STYXL2: variants seen among roughly 807,000 people sequenced by gnomAD.
STYXL2 encodes the protein serine/threonine/tyrosine-interacting-like protein 2.
STYXL2 carries 44 observed loss-of-function variants against 52.4 expected under a neutral mutation model. The ratio of observed to expected loss-of-function variants is 0.84; its 90% CI spans 0.66 to 1.08. The LOEUF (loss-of-function observed/expected upper bound fraction) is 1.08. Ranked by LOEUF, STYXL2 falls within the 50% of genes least tolerant of loss-of-function variation. The probability of loss-of-function intolerance (pLI) is 0.00; values close to 1 mark genes in which losing one functional copy is unlikely to be tolerated. For missense variants in STYXL2, 1,604 were observed against 1,471.7 expected, an observed-to-expected ratio of 1.09 and a Z score of -1.47; for synonymous variants, 604 against 586.9, an observed-to-expected ratio of 1.03 and a Z score of -0.42.
At position 167,127,307 on chromosome 1, in the gene STYXL2, T is replaced by C; in HGVS notation, c.2176T>C (p.Trp726Arg). 1.9e-6 allele frequency: 3 copies of C among 1,614,182 alleles called. No homozygotes were observed. Among genetic ancestry groups the C allele is most frequent in the Non-Finnish European group, 2.5e-6 (3 of 1,180,032 alleles). ...DTISIASIQNWIANVVSETLA... is the reference protein window; with the variant it reads ...DTISIASIQNRIANVVSETLA... ...CATTTCCATTGCCAGTATCCAGAAC[T>C]GGATTGCCAATGTAGTCAGTGAGAC... is the stretch of plus-strand genomic sequence containing the variant. The change falls in exon 6 of 6, where the codon TGG (tryptophan) becomes CGG (arginine). Residue 726 changes from tryptophan to arginine, a missense_variant. Transcript: ENST00000361200.
chr1:167,094,864 G>A lies in STYXL2; in HGVS notation c.15G>A (p.Lys5=). The change falls in exon 2 of 6, where the codon AAG becomes AAA. Residue 5 remains lysine (K), a synonymous_variant. Transcript: ENST00000361200. ...GGCAGGTTGTCATGGCGACCAGAAAGGACACAGAGGAGGAGCAGGTAGTCC... is the reference window on the plus strand; with the variant it reads ...GGCAGGTTGTCATGGCGACCAGAAAAGACACAGAGGAGGAGCAGGTAGTCC... The part of the protein sequence containing the change: MATR[K]DTEEEQVVPS... The A allele has an allele frequency of 6.2e-7, 1 of 1,613,326 alleles. No individual in the cohort carries two copies. The highest frequency in any genetic ancestry group is 1.1e-5 in the South Asian group (1 of 90,784).
chr1:167,114,880 TGCTCCCA>T (rs1206884200), intron 3 of STYXL2, among the ~76,000 whole-genome samples: 1 of 152,180 alleles, frequency 6.6e-6, no homozygotes, highest in African/African-American at 2.4e-5. Context: ...CTCTCTGAAT[TGCTCCCA>T]GCACCACTAT....
In STYXL2 at chr1:167,126,223, G is replaced by C; in HGVS notation, c.1092G>C (p.Lys364Asn). ...AGGGGCAGGGCCTCCTCTCAGACAA[G>C]GTCCCCCAGGATGGAGGTGGCTGGC... ...WKKGQGLLSD[K>N]VPQDGGGWRS... The change falls in exon 6 of 6, where the codon AAG becomes AAC. Residue 364 changes from lysine to asparagine, a missense_variant. Transcript: ENST00000361200. 6.5e-7 allele frequency: 1 copy of C among 1,543,112 alleles called. No homozygotes were observed. The highest frequency in any genetic ancestry group is 8.7e-7 in the Non-Finnish European group (1 of 1,150,614).
In STYXL2 at chr1:167,126,765, A is replaced by G. The variant is rs138150677; in HGVS notation, c.1634A>G (p.Glu545Gly). The change falls in exon 6 of 6, where the codon GAA becomes GGA. Residue 545 changes from glutamate (E) to glycine (G), a missense_variant. Glu to Gly is a moderately conservative substitution (Grantham distance 98). Coordinates refer to ENST00000361200, the MANE Select transcript of STYXL2 (RefSeq NM_001080426.3). ...SRNKDKLTAL[E>G]RWKIKRIQFG... ...AACAAGGACAAGCTCACTGCCCTGGAAAGATGGAAGATCAAGAGAATCCAA... is the reference window on the plus strand; with the variant it reads ...AACAAGGACAAGCTCACTGCCCTGGGAAGATGGAAGATCAAGAGAATCCAA... 4 of 1,614,090 alleles carry G rather than the reference A, an allele frequency of 2.5e-6. No individual in the cohort carries two copies. In the African/African-American group the frequency reaches 5.3e-5, roughly 22 times the overall value.
At chr1:167,114,189 A>C (rs1449848806) in intron 3 of STYXL2, among the ~76,000 whole-genome samples, 1 of 152,152 alleles carries the variant, frequency 6.6e-6, no homozygotes, top group African/African-American at 2.4e-5. Flanking sequence ...CACTTCCACC[A>C]GTGCTTAAAG....
In STYXL2 at chr1:167,126,235, T is replaced by C. The variant is rs767024238; in HGVS notation, c.1104T>C (p.Asp368=). 1 of 1,544,086 alleles carries C rather than the reference T, an allele frequency of 6.5e-7. No homozygotes were observed. Among genetic ancestry groups the C allele is most frequent in the Admixed American group, 2.1e-5 (1 of 47,248 alleles). ...QGLLSDKVPQ[D]GGGWRSASSG... ...TCCTCTCAGACAAGGTCCCCCAGGA[T>C]GGAGGTGGCTGGCGCTCAGCCTCCT... The change falls in exon 6 of 6, where the codon GAT becomes GAC. Residue 368 remains aspartate (D), a synonymous_variant. Coordinates refer to ENST00000361200, the MANE Select transcript of STYXL2 (RefSeq NM_001080426.3).
In STYXL2 at chr1:167,094,851, TG is replaced by T; in HGVS notation, c.4del (p.Ala2?). On this transcript the variant is annotated frameshift_variant and start_lost, in exon 2 of 6. Coordinates refer to ENST00000361200, the MANE Select transcript of STYXL2 (RefSeq NM_001080426.3). LOFTEE classifies it high-confidence loss of function. ...ACTTTCAGAGGTTGGCAGGTTGTCA[TG>T]GCGACCAGAAAGGACACAGAGGAGG... [M>X]ATRKDTEEEQ... is the part of the protein sequence containing the mutation. 1 of 1,612,750 alleles carries T rather than the reference TG, an allele frequency of 6.2e-7. No homozygotes were observed. The highest frequency in any genetic ancestry group is 8.5e-7 in the Non-Finnish European group (1 of 1,179,532).
intron 2 of STYXL2, among the ~76,000 whole-genome samples, chr1:167,109,715 C>G (rs560486643): frequency 6.6e-6 from 1 of 152,266 alleles, no homozygotes; most frequent in African/African-American, 2.4e-5. Context: ...CCTATACTAC[C>G]GCAGCTGATG....
intron 2 of STYXL2, among the ~76,000 whole-genome samples, chr1:167,111,505 TATATATATACAC>T (rs1204069083): frequency 2.2e-4 from 11 of 49,522 alleles, no homozygotes; most frequent in African/African-American, 9.4e-4. Flanking sequence ...TATATATATA[TATATATATACAC>T]ACACACACAC....
chr1:167,118,082 T>C (rs569600783), intron 4 of STYXL2, among the ~76,000 whole-genome samples: 9 of 152,358 alleles, frequency 5.9e-5, no homozygotes, highest in Admixed American at 3.9e-4. Flanking sequence ...TGTGAGAAAA[T>C]GTGAACAATG....
At chr1:167,113,119 CT>C (rs372002882) in intron 2 of STYXL2, among the ~76,000 whole-genome samples, 3 of 142,066 alleles carry the variant, frequency 2.1e-5, no homozygotes, top group Admixed American at 7.0e-5. Context: ...CATCCCTGGG[CT>C]CAACCTGACT....
At chr1:167,119,492 T>A in intron 5 of STYXL2, 26 bp downstream of exon 5, 1 of 1,603,110 alleles carries the variant, frequency 6.2e-7, no homozygotes, top group Non-Finnish European at 8.5e-7. Flanking sequence ...CGCTCCAGGC[T>A]GCTGGAATTC....
chr1:167,096,183 G>A (rs190814636), intron 2 of STYXL2, among the ~76,000 whole-genome samples: 28 of 152,146 alleles, frequency 1.8e-4, no homozygotes, highest in African/African-American at 5.5e-4. Flanking sequence ...ACTTGAACCC[G>A]GGAGGCGGAG....
intron 2 of STYXL2, among the ~76,000 whole-genome samples, chr1:167,111,499 TATATATATATATATACAC>T (rs1314094993): frequency 8.3e-5 from 4 of 48,124 alleles, no homozygotes; most frequent in African/African-American, 3.3e-4. Context: ...TATATATATA[TATATATATATATATACAC>T]ACACACACAC....
At position 167,127,235 on chromosome 1, in the gene STYXL2, A is replaced by G. The variant is rs777705433; in HGVS notation, c.2104A>G (p.Asn702Asp). ...CAACATAGCGGGGTGTTCAACCTCC[A>G]ACCCCACCACACCCCTGCCTAACCT... ...ASNIAGCSTS[N>D]PTTPLPNLPV... Residue 702 changes from asparagine to aspartate, a missense_variant, in exon 6 of 6, where the codon AAC (asparagine) becomes GAC (aspartate). Coordinates refer to ENST00000361200, the MANE Select transcript of STYXL2 (RefSeq NM_001080426.3). 6.2e-7 allele frequency: 1 copy of G among 1,614,134 alleles called. No individual in the cohort carries two copies. The highest frequency in any genetic ancestry group is 8.5e-7 in the Non-Finnish European group (1 of 1,179,996).
At chr1:167,094,468 T>C (rs1667238333) in intron 1 of STYXL2, 1 of 274,618 alleles carries the variant, frequency 3.6e-6, no homozygotes, top group Non-Finnish European at 7.1e-6. Context: ...TGTATGCACA[T>C]CCTATAATTT....
chr1:167,107,852 A>G (rs2102229699), intron 2 of STYXL2, among the ~76,000 whole-genome samples: 1 of 152,328 alleles, frequency 6.6e-6, no homozygotes, highest in African/African-American at 2.4e-5. Flanking sequence ...AAACAGGTGT[A>G]TGGTGCAAGA....
chr1:167,128,427 G>C lies in STYXL2; in HGVS notation c.3296G>C (p.Gly1099Ala). 3 of 1,614,110 alleles carry C rather than the reference G, an allele frequency of 1.9e-6. No individual in the cohort carries two copies. Among genetic ancestry groups the C allele is most frequent in the Non-Finnish European group, 2.5e-6 (3 of 1,180,010 alleles). ...TQSFMRSEEE[G>A]EKERTENREE... ...AGCTTTATGAGGTCTGAAGAAGAGG[G>C]AGAGAAAGAGAGGACAGAAAACAGA... is the stretch of plus-strand genomic sequence containing the variant. Residue 1099 changes from glycine to alanine, a missense_variant, in exon 6 of 6, where the codon GGA (glycine) becomes GCA (alanine). Physicochemically the swap from Gly to Ala is moderately conservative, Grantham distance 60. Transcript: ENST00000361200.
intron 5 of STYXL2, among the ~76,000 whole-genome samples, chr1:167,121,644 A>G (rs1218462703): frequency 1.3e-5 from 2 of 152,244 alleles, no homozygotes; most frequent in Non-Finnish European, 1.5e-5. Flanking sequence ...GCGAGGGCTC[A>G]GCAGGAAGTT....
Sources: gnomAD v4.1 joint callset for allele counts (sites outside exome capture counted in the v4.1 genomes callset) on GRCh38, gnomAD v4.1.1 for gene constraint, MANE v1.5 for transcripts, NCBI Gene and HGNC (gene_info 2026-07-23, HGNC 2026-07-21) for gene names.